ITSN1: variants seen among roughly 807,000 people sequenced by gnomAD.
The protein encoded by ITSN1 is intersectin 1.
Under a neutral mutation model 239.8 loss-of-function variants are expected in ITSN1, and 58 were observed. The observed-to-expected ratio is 0.24, with a 90% CI of 0.20 to 0.30. The LOEUF (loss-of-function observed/expected upper bound fraction) is 0.30, where lower values mean the gene tolerates loss of function less well. Ranked by LOEUF, ITSN1 falls within the 10% of genes least tolerant of loss-of-function variation. ITSN1 has a pLI of 1.00. For missense variants in ITSN1, 1,558 were observed against 2,103.3 expected (o/e 0.74, Z 5.07); for synonymous variants, 780 against 770.8 (o/e 1.01, Z -0.20).
At chr21:33,659,639 G>T (rs1020937286) in intron 1 of ITSN1, among the ~76,000 whole-genome samples, 1 of 149,886 alleles carries the variant, frequency 6.7e-6, no homozygotes, top group African/African-American at 2.5e-5. Context: ...CCTTAAGCTA[G>T]ATAGGTGAAC....
chr21:33,854,292 G>A (rs1468633443), intron 29 of ITSN1, among the ~76,000 whole-genome samples: 1 of 152,180 alleles, frequency 6.6e-6, no homozygotes, highest in Non-Finnish European at 1.5e-5. Flanking sequence ...TCACCGCACC[G>A]TGTTTGTGCA....
chr21:33,887,444 C>T (rs1040779923), intron 39 of ITSN1, among the ~76,000 whole-genome samples: 26 of 152,160 alleles, frequency 1.7e-4, no homozygotes, highest in Middle Eastern at 3.4e-3. Context: ...TGGCCTTCAT[C>T]TTTTAGTACT....
intron 22 of ITSN1, among the ~76,000 whole-genome samples, chr21:33,814,707 G>T (rs1333511742): frequency 6.6e-6 from 1 of 152,216 alleles, no homozygotes; most frequent in African/African-American, 2.4e-5. Context: ...CACCCAGATG[G>T]AACACAGGGT....
chr21:33,680,687 C>G (rs58236102), intron 1 of ITSN1, among the ~76,000 whole-genome samples: 133,995 of 152,064 alleles, frequency 0.88, 59,560 homozygotes, highest in African/African-American at 0.97. Context: ...CTGAAGTCCA[C>G]CAAATGTCTG....
rs559486241 is a variant in ITSN1, at chr21:33,880,226, TG to T, written c.4342-2016del. Among the ~76,000 whole-genome samples the T allele has an allele frequency of 4.3e-3, 649 of 152,366 alleles. 10 individuals are homozygous for T. Among genetic ancestry groups the T allele is most frequent in the African/African-American group, 0.015 (619 of 41,584 alleles). ...AAACAGATGCTGTTTTTGGCATTCC[TG>T]TCTGAAGATAGAGAAGTTTAAATAC... On this transcript the variant is annotated intron_variant, in intron 34 of 39. Transcript: ENST00000381318.
At chr21:33,662,943 T>C (rs1313298101) in intron 1 of ITSN1, among the ~76,000 whole-genome samples, 1 of 152,228 alleles carries the variant, frequency 6.6e-6, no homozygotes, top group South Asian at 2.1e-4. Flanking sequence ...AATGAAAATA[T>C]AAATGGCATA....
intron 16 of ITSN1, among the ~76,000 whole-genome samples, chr21:33,785,022 C>T (rs1175518082): frequency 6.6e-6 from 1 of 152,114 alleles, no homozygotes; most frequent in African/African-American, 2.4e-5. Context: ...CCTTCCTTTC[C>T]CTAAAGGAAG....
At position 33,829,717 on chromosome 21, in the gene ITSN1, C is replaced by A; in HGVS notation, c.3323C>A (p.Pro1108Gln). Residue 1108 changes from proline to glutamine, a missense_variant, in exon 27 of 40, where the codon CCA (proline) becomes CAA (glutamine). By Grantham distance (76) the Pro-to-Gln change is moderately conservative. This residue lies in a region of ITSN1 where 576 missense variants were observed against 893.3 expected (regional missense o/e 0.64). Transcript: ENST00000381318. ...CTGATTTTGATCCGAAAAAAGAACCCAGGTGGATGGTGGGAAGGAGAGCTG... is the reference window on the plus strand; with the variant it reads ...CTGATTTTGATCCGAAAAAAGAACCAAGGTGGATGGTGGGAAGGAGAGCTG... Reference protein sequence around the residue: ...GQLILIRKKNPGGWWEGELQA... With the variant: ...GQLILIRKKNQGGWWEGELQA... The A allele has an allele frequency of 5.6e-6, 9 of 1,613,648 alleles. No homozygotes were observed. Among genetic ancestry groups the A allele is most frequent in the Non-Finnish European group, 7.6e-6 (9 of 1,180,012 alleles).
chr21:33,888,135 G>C lies in ITSN1; in HGVS notation c.5018-17G>C, dbSNP rs200130773. 8.7e-6 allele frequency: 14 copies of C among 1,613,774 alleles called. No homozygotes were observed. The East Asian group carries it at 2.5e-4, about 28-fold the overall frequency. On this transcript the variant is annotated splice_polypyrimidine_tract_variant and intron_variant, in intron 39 of 39. Transcript: ENST00000381318. ...GGAATGGTCCCTCTTAGGAGGGTCT[G>C]TTTGTTCTCTTTTCAGATTTTTTGG... is the stretch of plus-strand genomic sequence containing the variant.
intron 1 of ITSN1, among the ~76,000 whole-genome samples, chr21:33,687,381 A>G (rs2091296849): frequency 7.1e-6 from 1 of 141,086 alleles, no homozygotes; most frequent in African/African-American, 2.6e-5. Flanking sequence ...CTGGGCAACA[A>G]GAGCAGAACT....
At chr21:33,646,019 A>T (rs1355172626) in intron 1 of ITSN1, among the ~76,000 whole-genome samples, 1 of 152,062 alleles carries the variant, frequency 6.6e-6, no homozygotes, top group African/African-American at 2.4e-5. Flanking sequence ...AACTCAATTA[A>T]ACATTTGTTG....
intron 1 of ITSN1, among the ~76,000 whole-genome samples, chr21:33,667,888 G>A (rs1189890256): frequency 2.0e-5 from 3 of 152,202 alleles, no homozygotes; most frequent in Non-Finnish European, 4.4e-5. Context: ...AGTGGTGGCA[G>A]TGATTGTGAG....
intron 22 of ITSN1, chr21:33,817,202 A>G: frequency 7.8e-7 from 1 of 1,281,654 alleles, no homozygotes; most frequent in South Asian, 1.3e-5. Flanking sequence ...AGCTTAAAAG[A>G]TAATAAATGC....
chr21:33,784,300 G>T (rs945852217), intron 16 of ITSN1, among the ~76,000 whole-genome samples: 2 of 111,866 alleles, frequency 1.8e-5, no homozygotes, highest in Non-Finnish European at 3.9e-5. Flanking sequence ...GTGAAGCCCT[G>T]TCTCTACAAA....
intron 31 of ITSN1, among the ~76,000 whole-genome samples, 154 bp downstream of exon 31, chr21:33,858,946 C>G (rs1009278899): frequency 5.9e-5 from 9 of 152,024 alleles, no homozygotes; most frequent in East Asian, 1.9e-4. Context: ...ACACCATCAC[C>G]CTTTTGTGCC....
chr21:33,781,868 C>T (rs767060188), intron 15 of ITSN1, 126 bp from the exon 16 acceptor site: 62 of 921,784 alleles, frequency 6.7e-5, no homozygotes, highest in African/African-American at 4.9e-4. Flanking sequence ...TGTAGGCCAC[C>T]GCACCCAGCC....
chr21:33,660,258 T>C (rs1475885976), intron 1 of ITSN1, among the ~76,000 whole-genome samples: 1 of 152,202 alleles, frequency 6.6e-6, no homozygotes, highest in Non-Finnish European at 1.5e-5. Context: ...CAATAAGATC[T>C]TTCCCCGTGC....
intron 25 of ITSN1, among the ~76,000 whole-genome samples, chr21:33,824,039 C>T (rs763738823): frequency 1.3e-5 from 2 of 152,158 alleles, no homozygotes; most frequent in South Asian, 4.1e-4. Context: ...CCTGTATAAA[C>T]AGAAGTATTC....
At chr21:33,824,360 C>G (rs375261716) in intron 25 of ITSN1, among the ~76,000 whole-genome samples, 1 of 152,018 alleles carries the variant, frequency 6.6e-6, no homozygotes, top group African/African-American at 2.4e-5. Flanking sequence ...GCCACTTGCA[C>G]GTTAGTGGAG....
Sources: gnomAD v4.1 joint callset for allele counts (sites outside exome capture counted in the v4.1 genomes callset) on GRCh38, gnomAD v4.1.1 for gene constraint, gnomAD v4.1.1 regional missense constraint, MANE v1.5 for transcripts, NCBI Gene and HGNC (gene_info 2026-07-23, HGNC 2026-07-21) for gene names.